The following COG5 variants were observed in gnomAD, a reference collection of about 807,000 sequenced individuals.
The protein encoded by COG5 is conserved oligomeric Golgi complex subunit 5.
Under a neutral mutation model 110.4 loss-of-function variants are expected in COG5, and 86 were observed. The observed-to-expected ratio is 0.78, with a 90% confidence interval of 0.65 to 0.93. COG5 has a LOEUF of 0.93. Ranked by LOEUF, COG5 falls within the 40% of genes least tolerant of loss-of-function variation. The probability of loss-of-function intolerance (pLI) is 0.00; values close to 1 mark genes in which losing one functional copy is unlikely to be tolerated. For synonymous variants in COG5, 360 were observed against 334.6 expected (o/e 1.08, Z -0.83); for missense variants, 1,077 against 987.0 (o/e 1.09, Z -1.22).
intron 7 of COG5, among the ~76,000 whole-genome samples, chr7:107,405,034 C>T (rs1791724495): frequency 6.6e-6 from 1 of 151,764 alleles, no homozygotes; most frequent in South Asian, 2.1e-4. Flanking sequence ...AATTGCTTCA[C>T]AAATTGTCAA....
At chr7:107,341,469 C>T (rs1436779709) in intron 10 of COG5, among the ~76,000 whole-genome samples, 1 of 152,034 alleles carries the variant, frequency 6.6e-6, no homozygotes, top group Admixed American at 6.5e-5. Context: ...TCTACAGACT[C>T]AACACTATTC....
At chr7:107,270,440 T>C (rs562605819) in intron 14 of COG5, among the ~76,000 whole-genome samples, 83 of 152,228 alleles carry the variant, frequency 5.5e-4, no homozygotes, top group Non-Finnish European at 1.1e-3. Context: ...TTTGGTATTT[T>C]CAGTAGAGAT....
chr7:107,360,206 G>A (rs77395658), intron 10 of COG5, among the ~76,000 whole-genome samples: 29,407 of 152,186 alleles, frequency 0.19, 3,390 homozygotes, highest in East Asian at 0.33. Context: ...CCTGTGGAAC[G>A]GAGCTAAATA....
intron 6 of COG5, among the ~76,000 whole-genome samples, chr7:107,453,045 T>C (rs937699568): frequency 6.6e-6 from 1 of 152,216 alleles, no homozygotes; most frequent in African/African-American, 2.4e-5. Flanking sequence ...CTGCATCTTT[T>C]ACTAAACTAC....
chr7:107,478,446 T>C (rs1223052099), intron 6 of COG5, among the ~76,000 whole-genome samples: 1 of 151,974 alleles, frequency 6.6e-6, no homozygotes, highest in African/African-American at 2.4e-5. Context: ...CAGTTACCCA[T>C]GGTCAGTTAG....
chr7:107,268,727 T>G (rs13230144), intron 14 of COG5, among the ~76,000 whole-genome samples: 2 of 152,112 alleles, frequency 1.3e-5, no homozygotes, highest in East Asian at 3.9e-4. Flanking sequence ...TTTCTCAATA[T>G]GTGACCTTCA....
chr7:107,402,011 T>C (rs1791466934), intron 7 of COG5, among the ~76,000 whole-genome samples: 2 of 152,168 alleles, frequency 1.3e-5, no homozygotes, highest in South Asian at 4.1e-4. Context: ...CCAGAAATAA[T>C]TCAGAATTTT....
At chr7:107,269,588 A>G (rs1434678785) in intron 14 of COG5, among the ~76,000 whole-genome samples, 1 of 152,002 alleles carries the variant, frequency 6.6e-6, no homozygotes, top group Non-Finnish European at 1.5e-5. Context: ...CTCTTTCCTC[A>G]TTTTATACCT....
intron 11 of COG5, among the ~76,000 whole-genome samples, chr7:107,318,738 G>A (rs1249639588): frequency 6.6e-6 from 1 of 152,118 alleles, no homozygotes; most frequent in Non-Finnish European, 1.5e-5. Flanking sequence ...TATAAGGACA[G>A]TAATCCTATA....
At chr7:107,382,132 AC>A (rs1815179019) in intron 7 of COG5, among the ~76,000 whole-genome samples, 1 of 152,232 alleles carries the variant, frequency 6.6e-6, no homozygotes, top group Admixed American at 6.5e-5. Flanking sequence ...CTGGCCTCAA[AC>A]CCTCAGCTAC....
intron 19 of COG5, among the ~76,000 whole-genome samples, chr7:107,211,604 C>T (rs2116209174): frequency 1.3e-5 from 2 of 152,324 alleles, no homozygotes; most frequent in South Asian, 4.1e-4. Context: ...ATCCTTTCAG[C>T]TTTTATTTAA....
At chr7:107,286,844 T>C (rs886323381) in intron 12 of COG5, among the ~76,000 whole-genome samples, 5 of 152,192 alleles carry the variant, frequency 3.3e-5, no homozygotes, top group Non-Finnish European at 5.9e-5. Flanking sequence ...TCTTATCCCA[T>C]TCTCTTCTTA....
intron 10 of COG5, among the ~76,000 whole-genome samples, chr7:107,349,880 C>T (rs961357726): frequency 6.6e-6 from 1 of 151,938 alleles, no homozygotes; most frequent in Admixed American, 6.6e-5. Flanking sequence ...TTAGTGGAGA[C>T]AGGGTTTCAC....
chr7:107,432,171 G>C (rs1368979077), intron 6 of COG5, among the ~76,000 whole-genome samples: 1 of 152,110 alleles, frequency 6.6e-6, no homozygotes, highest in Non-Finnish European at 1.5e-5. Context: ...TATCTCATGT[G>C]TTTGAATGCT....
chr7:107,447,290 G>T (rs908530349), intron 6 of COG5, among the ~76,000 whole-genome samples: 2 of 152,078 alleles, frequency 1.3e-5, no homozygotes, highest in African/African-American at 4.8e-5. Flanking sequence ...CACTTTTAAG[G>T]TCTCATGTAT....
chr7:107,300,676 T>C (rs915248232), intron 11 of COG5, among the ~76,000 whole-genome samples: 3 of 152,124 alleles, frequency 2.0e-5, no homozygotes, highest in Admixed American at 6.5e-5. Context: ...AGAAGACCTA[T>C]ATAAATGGAA....
At chr7:107,291,727 T>C (rs1806192664) in intron 12 of COG5, among the ~76,000 whole-genome samples, 1 of 152,176 alleles carries the variant, frequency 6.6e-6, no homozygotes. Flanking sequence ...TAATTGTAGC[T>C]CCTTTGATAG....
intron 6 of COG5, among the ~76,000 whole-genome samples, chr7:107,412,914 A>C (rs1480140818): frequency 6.6e-6 from 1 of 152,172 alleles, no homozygotes; most frequent in Non-Finnish European, 1.5e-5. Flanking sequence ...TCACATTTAA[A>C]AGTGTCAAAT....
intron 17 of COG5, among the ~76,000 whole-genome samples, chr7:107,243,376 G>A (rs574631390): frequency 3.9e-5 from 6 of 152,072 alleles, no homozygotes; most frequent in East Asian, 3.9e-4. Flanking sequence ...AGCCGGGTGC[G>A]GTGGCGGGTG....
Sources: allele counts gnomAD v4.1 joint callset (sites outside exome capture counted in the v4.1 genomes callset), GRCh38; gene constraint gnomAD v4.1.1; transcripts MANE v1.5; gene names NCBI Gene and HGNC (gene_info 2026-07-23, HGNC 2026-07-21).